SHANK2: variants seen among roughly 807,000 people sequenced by gnomAD.
SHANK2 encodes the protein SH3 and multiple ankyrin repeat domains protein 2.
A neutral mutation model predicts 133.7 loss-of-function variants in SHANK2; 43 were observed. The ratio of observed to expected loss-of-function variants is 0.32; its 90% CI spans 0.25 to 0.41. The LOEUF (loss-of-function observed/expected upper bound fraction) is 0.41. Among genes scored for constraint, SHANK2 ranks in the 10% least tolerant of loss-of-function variants. The pLI is 1.00. For missense variants in SHANK2, 1,994 were observed against 2,235.8 expected, an observed-to-expected ratio of 0.89 and a Z score of 2.18; for synonymous variants, 1,017 against 952.8, an observed-to-expected ratio of 1.07 and a Z score of -1.24.
chr11:71,244,488 GA>G (rs1254215727), intron 1 of SHANK2, among the ~76,000 whole-genome samples: 6 of 152,218 alleles, frequency 3.9e-5, no homozygotes, highest in Non-Finnish European at 7.3e-5. Context: ...GCCTATTCGA[GA>G]GATCTATGAA....
At chr11:70,583,914 T>G (rs1029534038) in intron 17 of SHANK2, among the ~76,000 whole-genome samples, 6 of 151,990 alleles carry the variant, frequency 3.9e-5, no homozygotes, top group Non-Finnish European at 8.8e-5. Flanking sequence ...ATGCCTCCCC[T>G]CTCTCCCTTG....
chr11:70,524,582 C>T (rs1378830204), intron 17 of SHANK2, among the ~76,000 whole-genome samples: 3 of 152,240 alleles, frequency 2.0e-5, no homozygotes, highest in African/African-American at 4.8e-5. Flanking sequence ...CAGGCTACCC[C>T]GAGCCTCCTG....
chr11:71,134,409 T>C (rs1454349688), intron 3 of SHANK2, among the ~76,000 whole-genome samples: 2 of 151,124 alleles, frequency 1.3e-5, no homozygotes, highest in Non-Finnish European at 2.9e-5. Flanking sequence ...TTCCAATGGG[T>C]GAATTATATG....
chr11:70,783,724 G>C (rs1322527959), intron 14 of SHANK2, among the ~76,000 whole-genome samples: 1 of 152,172 alleles, frequency 6.6e-6, no homozygotes, highest in African/African-American at 2.4e-5. Flanking sequence ...TGGGTCCACA[G>C]GGTTTGTTTT....
chr11:70,769,626 TAC>T (rs1947203535), intron 14 of SHANK2, among the ~76,000 whole-genome samples: 1 of 152,206 alleles, frequency 6.6e-6, no homozygotes, highest in Non-Finnish European at 1.5e-5. Flanking sequence ...CATGCACATG[TAC>T]ACATGTGTAA....
intron 14 of SHANK2, among the ~76,000 whole-genome samples, chr11:70,715,856 T>G (rs1251057743): frequency 6.6e-6 from 1 of 151,442 alleles, no homozygotes; most frequent in African/African-American, 2.4e-5. Context: ...AGGGCTGGAG[T>G]CGCCAGTGGG....
At chr11:71,082,306 C>T (rs1284258787) in intron 8 of SHANK2, among the ~76,000 whole-genome samples, 1 of 152,196 alleles carries the variant, frequency 6.6e-6, no homozygotes, top group Non-Finnish European at 1.5e-5. Flanking sequence ...CACTGCGGTG[C>T]CTGAACAGTG....
At chr11:70,783,866 G>A (rs528101419) in intron 14 of SHANK2, among the ~76,000 whole-genome samples, 90 of 152,330 alleles carry the variant, frequency 5.9e-4, no homozygotes, top group Non-Finnish European at 1.0e-3. Context: ...CGGAAGGCCC[G>A]GAAGAGGAAG....
rs549438528 is a variant in SHANK2 at position 71,218,175 on chromosome 11, A to T, written c.-13+6522T>A. Among the ~76,000 whole-genome samples the T allele has an allele frequency of 5.3e-3, 810 of 152,048 alleles. 8 individuals are homozygous for T. Among genetic ancestry groups the T allele is most frequent in the African/African-American group, 0.017 (696 of 41,500 alleles). ...ATGCCCGGCCAAGAGGTATTTTTTT[A>T]AAAAAATTAAAAGTTTATAAAATAA... On this transcript the variant is annotated intron_variant, in intron 2 of 25. Transcript: ENST00000601538.
At chr11:71,058,574 G>A (rs1296045992) in intron 9 of SHANK2, among the ~76,000 whole-genome samples, 1 of 152,386 alleles carries the variant, frequency 6.6e-6, no homozygotes, top group African/African-American at 2.4e-5. Context: ...GCTGGTGCTT[G>A]TGCCTCGGCA....
chr11:70,537,376 C>A (rs563689459), intron 17 of SHANK2, among the ~76,000 whole-genome samples: 1 of 152,218 alleles, frequency 6.6e-6, no homozygotes, highest in African/African-American at 2.4e-5. Flanking sequence ...GAATATGACC[C>A]GGGATTTATG....
chr11:70,491,432 G>T (rs988570566), intron 22 of SHANK2, among the ~76,000 whole-genome samples: 6 of 152,242 alleles, frequency 3.9e-5, no homozygotes, highest in Non-Finnish European at 8.8e-5. Flanking sequence ...GCCTGGAGGG[G>T]AAGTCCCCTT....
At chr11:71,156,555 G>T (rs1292749701) in intron 2 of SHANK2, among the ~76,000 whole-genome samples, 4 of 152,146 alleles carry the variant, frequency 2.6e-5, no homozygotes, top group African/African-American at 9.7e-5. Context: ...TCACCTCAGA[G>T]GGCCTGGAGT....
intron 17 of SHANK2, among the ~76,000 whole-genome samples, chr11:70,526,614 CT>C (rs1409674379): frequency 1.3e-5 from 2 of 152,250 alleles, no homozygotes; most frequent in Non-Finnish European, 2.9e-5. Flanking sequence ...TCCAGCCCCA[CT>C]CCCCTGAAGT....
chr11:71,183,182 C>T (rs1953594805), intron 2 of SHANK2, among the ~76,000 whole-genome samples: 1 of 152,122 alleles, frequency 6.6e-6, no homozygotes, highest in African/African-American at 2.4e-5. Flanking sequence ...AGGCTGGGCT[C>T]CAAGGATATG....
chr11:70,611,873 T>G (rs1476610798), intron 17 of SHANK2, among the ~76,000 whole-genome samples: 2 of 151,528 alleles, frequency 1.3e-5, no homozygotes, highest in Non-Finnish European at 2.9e-5. Flanking sequence ...AATTTTCAGT[T>G]CTTGCAGCAC....
At chr11:70,885,426 C>G (rs1424394906) in intron 11 of SHANK2, among the ~76,000 whole-genome samples, 1 of 152,202 alleles carries the variant, frequency 6.6e-6, no homozygotes, top group African/African-American at 2.4e-5. Context: ...CGCAGTGGGA[C>G]ACACTTCCCA....
intron 14 of SHANK2, among the ~76,000 whole-genome samples, chr11:70,787,708 A>G (rs1405415084): frequency 6.6e-6 from 1 of 150,570 alleles, no homozygotes; most frequent in Admixed American, 6.6e-5. Flanking sequence ...TATCATCATT[A>G]CCACCACCAC....
rs1029517271 is a variant in SHANK2, at chr11:70,685,160, C to T, written c.1853+13528G>A. Among the ~76,000 whole-genome samples the T allele has an allele frequency of 2.2e-4, 33 of 152,148 alleles. 1 individual carries two copies. The highest frequency in any genetic ancestry group is 3.4e-3 in the Middle Eastern group (1 of 294). ...AGTCCCAGAGGCTTGGCGAAAAAACCCCCAAAAAACAAAAAACTGGCAAAT... is the reference window on the plus strand; with the variant it reads ...AGTCCCAGAGGCTTGGCGAAAAAACTCCCAAAAAACAAAAAACTGGCAAAT... On this transcript the variant is annotated intron_variant, in intron 15 of 25. Coordinates refer to ENST00000601538, the MANE Select transcript of SHANK2 (RefSeq NM_012309.5).
Sources: allele counts gnomAD v4.1 joint callset (sites outside exome capture counted in the v4.1 genomes callset), GRCh38; gene constraint gnomAD v4.1.1; transcripts MANE v1.5; gene names NCBI Gene and HGNC (gene_info 2026-07-23, HGNC 2026-07-21).